The following PTPRD variants were observed in gnomAD, a reference collection of about 807,000 sequenced individuals.
The protein encoded by PTPRD is receptor-type tyrosine-protein phosphatase delta.
PTPRD carries 34 observed loss-of-function variants against 214.5 expected under a neutral mutation model. The observed-to-expected ratio is 0.16, with a 90% confidence interval of 0.12 to 0.21. The LOEUF (loss-of-function observed/expected upper bound fraction) is 0.21, where lower values mean the gene tolerates loss of function less well. Among genes scored for constraint, PTPRD ranks in the 10% least tolerant of loss-of-function variants. The pLI, the probability that PTPRD is intolerant of heterozygous loss-of-function variation, is 1.00. For missense variants in PTPRD, 2,545 were observed against 2,398.7 expected (o/e 1.06, Z -1.27); for synonymous variants, 1,128 against 845.7 (o/e 1.33, Z -5.79).
chr9:9,374,597 T>G (rs749521904), intron 9 of PTPRD, among the ~76,000 whole-genome samples: 1 of 152,164 alleles, frequency 6.6e-6, no homozygotes, highest in African/African-American at 2.4e-5. Flanking sequence ...AATTAAGTCT[T>G]AGAAGGCCTT....
intron 6 of PTPRD, among the ~76,000 whole-genome samples, chr9:9,741,081 A>T (rs2098394939): frequency 6.6e-6 from 1 of 152,198 alleles, no homozygotes; most frequent in Non-Finnish European, 1.5e-5. Context: ...CCGGGTGATG[A>T]TATCCTTCAC....
intron 10 of PTPRD, among the ~76,000 whole-genome samples, chr9:9,125,209 C>T (rs530569737): frequency 3.3e-4 from 51 of 152,298 alleles, no homozygotes; most frequent in South Asian, 1.4e-3. Context: ...GTGGGCCACT[C>T]CTAAGCAGTA....
At chr9:9,271,895 G>C (rs1431495845) in intron 9 of PTPRD, among the ~76,000 whole-genome samples, 1 of 151,296 alleles carries the variant, frequency 6.6e-6, no homozygotes, top group Non-Finnish European at 1.5e-5. Flanking sequence ...AATAGCAGCA[G>C]TTCCTTAAAG....
chr9:10,489,943 T>C (rs189535899), intron 2 of PTPRD, among the ~76,000 whole-genome samples: 3 of 152,264 alleles, frequency 2.0e-5, no homozygotes, highest in Non-Finnish European at 2.9e-5. Context: ...TTCAGCAATA[T>C]AAAGTTAAAA....
intron 3 of PTPRD, among the ~76,000 whole-genome samples, chr9:10,052,785 C>G (rs954674622): frequency 1.3e-5 from 2 of 151,994 alleles, no homozygotes; most frequent in African/African-American, 4.8e-5. Context: ...ATCCATCTAT[C>G]CAACTATTCA....
At chr9:8,397,100 T>C (rs7862179) in intron 36 of PTPRD, among the ~76,000 whole-genome samples, 1,682 of 152,246 alleles carry the variant, frequency 0.011, 36 homozygotes, top group African/African-American at 0.039. Context: ...CAACAAATAA[T>C]TGGACAGGAT....
chr9:9,503,522 C>T (rs553264413), intron 8 of PTPRD, among the ~76,000 whole-genome samples: 1 of 151,572 alleles, frequency 6.6e-6, no homozygotes, highest in African/African-American at 2.4e-5. Flanking sequence ...GTAGAGGAGG[C>T]CATGGAATGT....
At chr9:10,246,192 G>A (rs1454846838) in intron 3 of PTPRD, among the ~76,000 whole-genome samples, 4 of 152,030 alleles carry the variant, frequency 2.6e-5, no homozygotes, top group Non-Finnish European at 5.9e-5. Flanking sequence ...TTTAAAGTAT[G>A]AGTCTCTGTA....
intron 11 of PTPRD, among the ~76,000 whole-genome samples, chr9:8,955,607 T>C (rs2099127222): frequency 6.6e-6 from 1 of 151,832 alleles, no homozygotes; most frequent in South Asian, 2.1e-4. Context: ...AGGCTATTTC[T>C]GTTTTTTATT....
chr9:9,751,003 A>C (rs561046450), intron 6 of PTPRD, among the ~76,000 whole-genome samples: 1 of 152,184 alleles, frequency 6.6e-6, no homozygotes, highest in African/African-American at 2.4e-5. Flanking sequence ...ACAGTGCCTA[A>C]TTTTGATTTT....
chr9:8,697,572 G>A (rs913563020), intron 12 of PTPRD, among the ~76,000 whole-genome samples: 6 of 151,344 alleles, frequency 4.0e-5, no homozygotes, highest in Non-Finnish European at 5.9e-5. Context: ...ACAGGTGCCC[G>A]CCACCACACC....
intron 7 of PTPRD, among the ~76,000 whole-genome samples, chr9:9,695,377 C>T (rs1441401704): frequency 1.3e-5 from 2 of 152,136 alleles, no homozygotes; most frequent in Non-Finnish European, 2.9e-5. Context: ...GAATCACTCT[C>T]ATTGCTATGA....
intron 9 of PTPRD, among the ~76,000 whole-genome samples, chr9:9,381,948 A>G (rs111602800): frequency 6.6e-6 from 1 of 151,776 alleles, no homozygotes; most frequent in African/African-American, 2.4e-5. Flanking sequence ...GATAACATTG[A>G]ATGTATAGAT....
intron 10 of PTPRD, among the ~76,000 whole-genome samples, chr9:9,101,209 A>T (rs529343820): frequency 1.5e-3 from 226 of 152,224 alleles, no homozygotes; most frequent in African/African-American, 5.2e-3. Flanking sequence ...ACAAAAAAAA[A>T]TGCTCATTAT....
chr9:8,351,396 T>G (rs1474950549), intron 39 of PTPRD, among the ~76,000 whole-genome samples: 1 of 150,316 alleles, frequency 6.7e-6, no homozygotes, highest in African/African-American at 2.5e-5. Context: ...GTTGAAGTAT[T>G]TTTTTGTAGC....
At chr9:8,659,743 T>G (rs1043512500) in intron 12 of PTPRD, among the ~76,000 whole-genome samples, 1 of 152,172 alleles carries the variant, frequency 6.6e-6, no homozygotes, top group Non-Finnish European at 1.5e-5. Context: ...AGGGATCTGT[T>G]TGAGAATAAA....
intron 5 of PTPRD, among the ~76,000 whole-genome samples, chr9:9,933,455 C>G (rs979306528): frequency 2.6e-5 from 4 of 151,694 alleles, no homozygotes; most frequent in Admixed American, 6.5e-5. Context: ...AGACTTTAAA[C>G]CAACAAAGAT....
intron 14 of PTPRD, among the ~76,000 whole-genome samples, chr9:8,572,287 C>A (rs944421997): frequency 6.6e-6 from 1 of 151,934 alleles, no homozygotes; most frequent in African/African-American, 2.4e-5. Context: ...ACTCTTCTAC[C>A]TAACTAAAAA....
intron 12 of PTPRD, among the ~76,000 whole-genome samples, chr9:8,682,007 AT>A (rs1427488342): frequency 2.6e-5 from 4 of 152,042 alleles, no homozygotes; most frequent in African/African-American, 4.8e-5. Context: ...ACATGCAAGG[AT>A]TTTTTTTAAA....
Sources: gnomAD v4.1 joint callset for allele counts (sites outside exome capture counted in the v4.1 genomes callset) on GRCh38, gnomAD v4.1.1 for gene constraint, MANE v1.5 for transcripts, NCBI Gene and HGNC (gene_info 2026-07-23, HGNC 2026-07-21) for gene names.